SBNO1: variants seen among roughly 807,000 people sequenced by gnomAD.
The protein encoded by SBNO1 is strawberry notch homolog 1.
In SBNO1, 23 loss-of-function variants were observed where a neutral mutation model predicts 173.6. The observed-to-expected ratio is 0.13, with a 90% CI of 0.10 to 0.19. The LOEUF (loss-of-function observed/expected upper bound fraction) is 0.19. Among genes scored for constraint, SBNO1 ranks in the 10% least tolerant of loss-of-function variants. SBNO1 has a pLI of 1.00. For synonymous variants in SBNO1, 632 were observed against 571.5 expected (o/e 1.11, Z -1.51); for missense variants, 1,238 against 1,671.2 (o/e 0.74, Z 4.52).
chr12:123,314,317 C>T (rs1241245702), intron 23 of SBNO1, among the ~76,000 whole-genome samples: 1 of 138,904 alleles, frequency 7.2e-6, no homozygotes, highest in Non-Finnish European at 1.6e-5. Flanking sequence ...TAGGTGCCCG[C>T]CACCATGCCC....
rs1336887154 is a variant in SBNO1 at position 123,292,144 on chromosome 12, G to A, written c.*3764C>T. Reference sequence around the variant, plus strand: ...AGGTGTGGTGTTAGCCAGGGAGACCGAAGCCACACAGAAGGGGAGTCAGTA... The same window carrying A: ...AGGTGTGGTGTTAGCCAGGGAGACCAAAGCCACACAGAAGGGGAGTCAGTA... On this transcript the variant is annotated 3_prime_UTR_variant, in exon 32 of 32. Transcript: ENST00000602398. The A allele has an allele frequency of 2.6e-5, 4 of 152,016 alleles. No homozygotes were observed. Among genetic ancestry groups the A allele is most frequent in the South Asian group, 4.1e-4 (2 of 4,826 alleles). 9.4% of individuals were successfully genotyped at this position (152,016 alleles called of 1,614,324 possible).
rs1296540807 is a variant in SBNO1, at chr12:123,362,829, T to C, written c.-1+1872A>G. 2.0e-5 allele frequency among the ~76,000 whole-genome samples: 3 copies of C among 148,750 alleles called. No individual in the cohort carries two copies. The East Asian group carries it at 5.9e-4, about 29-fold the overall frequency. On this transcript the variant is annotated intron_variant, in intron 1 of 31. Transcript: ENST00000602398. The stretch of plus-strand genomic sequence containing the variant: ...GGCCAGGCACAATGGCTCATGCCTG[T>C]AATCCCACCACTTCGGGAAGCGGAG...
At chr12:123,306,629 G>A (rs180759703) in intron 28 of SBNO1, among the ~76,000 whole-genome samples, 2 of 152,260 alleles carry the variant, frequency 1.3e-5, no homozygotes, top group East Asian at 1.9e-4. Flanking sequence ...AAGGTGAGAG[G>A]ATGGATCAAG....
At chr12:123,316,670 C>T (rs1869311185) in intron 21 of SBNO1, among the ~76,000 whole-genome samples, 1 of 151,790 alleles carries the variant, frequency 6.6e-6, no homozygotes, top group South Asian at 2.1e-4. Flanking sequence ...CAGGCACACG[C>T]CACCACACCC....
intron 30 of SBNO1, among the ~76,000 whole-genome samples, chr12:123,300,090 A>G (rs779347874): frequency 1.2e-4 from 18 of 152,346 alleles, no homozygotes; most frequent in South Asian, 1.0e-3. Context: ...TTTTCTGGTT[A>G]AAATTATCTT....
chr12:123,352,922 C>A (rs531323434), intron 1 of SBNO1, among the ~76,000 whole-genome samples: 7 of 152,160 alleles, frequency 4.6e-5, no homozygotes, highest in Non-Finnish European at 7.4e-5. Flanking sequence ...CTCAGCCTCC[C>A]GAGTAGCTGG....
Position 123,305,086 on chromosome 12 carries a change from G to A in SBNO1, c.3631-367C>T, listed in dbSNP as rs1247626728. ...TAAGAAAAACCAAGTGTAATAAAATGTTAACAGTGGAATCCAGGCAGTAGG... is the reference window on the plus strand; with the variant it reads ...TAAGAAAAACCAAGTGTAATAAAATATTAACAGTGGAATCCAGGCAGTAGG... On this transcript the variant is annotated intron_variant, in intron 28 of 31. Coordinates refer to ENST00000602398, the MANE Select transcript of SBNO1 (RefSeq NM_001167856.3). Among the ~76,000 whole-genome samples the A allele has an allele frequency of 7.9e-5, 12 of 152,206 alleles. 1 individual carries two copies. The South Asian group carries it at 2.1e-3, about 26-fold the overall frequency.
intron 1 of SBNO1, among the ~76,000 whole-genome samples, chr12:123,363,069 G>A (rs1197425404): frequency 6.6e-6 from 1 of 152,088 alleles, no homozygotes; most frequent in Non-Finnish European, 1.5e-5. Flanking sequence ...TTGAGCAACA[G>A]AGTGGGACCC....
chr12:123,316,159 A>G (rs1211392752), intron 21 of SBNO1, among the ~76,000 whole-genome samples: 3 of 152,178 alleles, frequency 2.0e-5, no homozygotes, highest in Admixed American at 6.5e-5. Flanking sequence ...CATATACTAT[A>G]AAGTATATAT....
intron 2 of SBNO1, among the ~76,000 whole-genome samples, chr12:123,348,376 C>T (rs1404496942): frequency 6.6e-6 from 1 of 152,182 alleles, no homozygotes; most frequent in African/African-American, 2.4e-5. Context: ...GTAATCCCAG[C>T]ACTTTGGGAG....
intron 4 of SBNO1, among the ~76,000 whole-genome samples, chr12:123,341,697 T>G (rs1872589586): frequency 6.7e-6 from 1 of 149,190 alleles, no homozygotes; most frequent in Non-Finnish European, 1.5e-5. Context: ...AATTTTGTAA[T>G]TTTTTTTTTA....
chr12:123,317,411 G>T, intron 20 of SBNO1, 55 bp from the exon 21 acceptor site: 1 of 1,553,964 alleles, frequency 6.4e-7, no homozygotes, highest in Non-Finnish European at 8.8e-7. Flanking sequence ...AAGCAGGCCA[G>T]TGCCTTAAAT....
intron 21 of SBNO1, among the ~76,000 whole-genome samples, chr12:123,316,943 G>A (rs954587618): frequency 4.7e-5 from 7 of 149,228 alleles, no homozygotes; most frequent in African/African-American, 1.5e-4. Context: ...CTCAAGTGAT[G>A]CACCCACCTC....
At chr12:123,339,438 G>A (rs1872270396) in intron 5 of SBNO1, among the ~76,000 whole-genome samples, 1 of 151,868 alleles carries the variant, frequency 6.6e-6, no homozygotes, top group African/African-American at 2.4e-5. Flanking sequence ...AACTTCTCCT[G>A]AATCACTAAC....
At chr12:123,312,319 C>T (rs534930384) in intron 24 of SBNO1, among the ~76,000 whole-genome samples, 1 of 152,078 alleles carries the variant, frequency 6.6e-6, no homozygotes, top group East Asian at 1.9e-4. Flanking sequence ...TGTTGAAAGC[C>T]GAGAGTAATG....
chr12:123,309,683 T>C (rs867188541), intron 26 of SBNO1, 27 bp downstream of exon 26: 7 of 1,609,966 alleles, frequency 4.3e-6, no homozygotes, highest in Middle Eastern at 1.7e-4. Context: ...CTGGGGACAT[T>C]GTGGGGGGGA....
chr12:123,303,146 T>C (rs772254248), intron 29 of SBNO1, among the ~76,000 whole-genome samples: 2 of 152,118 alleles, frequency 1.3e-5, no homozygotes, highest in Non-Finnish European at 2.9e-5. Flanking sequence ...CTACAAATAA[T>C]AATATAAGGT....
intron 28 of SBNO1, among the ~76,000 whole-genome samples, chr12:123,306,590 T>G (rs1425010508): frequency 1.3e-5 from 2 of 152,158 alleles, no homozygotes; most frequent in Non-Finnish European, 2.9e-5. Context: ...CAGTGGTGCA[T>G]GCCTGTAATC....
At chr12:123,321,068 T>C (rs529663702) in intron 17 of SBNO1, among the ~76,000 whole-genome samples, 1 of 152,270 alleles carries the variant, frequency 6.6e-6, no homozygotes, top group African/African-American at 2.4e-5. Flanking sequence ...GCCTCCTGAG[T>C]AGCTGGGATT....
Sources: gnomAD v4.1 joint callset for allele counts (sites outside exome capture counted in the v4.1 genomes callset) on GRCh38, gnomAD v4.1.1 for gene constraint, MANE v1.5 for transcripts, NCBI Gene and HGNC (gene_info 2026-07-23, HGNC 2026-07-21) for gene names.